SHISA6: variants seen among roughly 807,000 people sequenced by gnomAD.
The protein encoded by SHISA6 is shisa family member 6.
A neutral mutation model predicts 47.9 loss-of-function variants in SHISA6; 22 were observed. The observed-to-expected ratio is 0.46, with a 90% CI of 0.33 to 0.66. The LOEUF (loss-of-function observed/expected upper bound fraction) is 0.66. Among genes scored for constraint, SHISA6 ranks in the 30% least tolerant of loss-of-function variants. The pLI, the probability that SHISA6 is intolerant of heterozygous loss-of-function variation, is 0.02. For synonymous variants in SHISA6, 388 were observed against 337.8 expected, an observed-to-expected ratio of 1.15 and a Z score of -1.63; for missense variants, 680 against 764.6, an observed-to-expected ratio of 0.89 and a Z score of 1.30.
chr17:11,504,874 A>C (rs1005034130), intron 3 of SHISA6, among the ~76,000 whole-genome samples: 1 of 152,182 alleles, frequency 6.6e-6, no homozygotes, highest in African/African-American at 2.4e-5. Flanking sequence ...GAAAACCCTG[A>C]TAAAAGAGGT....
chr17:11,399,530 T>C (rs1336522114), intron 3 of SHISA6, among the ~76,000 whole-genome samples: 6 of 152,232 alleles, frequency 3.9e-5, no homozygotes, highest in Non-Finnish European at 8.8e-5. Flanking sequence ...CAAACGATTC[T>C]CCTGCCTCGG....
intron 3 of SHISA6, among the ~76,000 whole-genome samples, chr17:11,499,698 T>TTG (rs1555540216): frequency 6.8e-5 from 10 of 146,604 alleles, no homozygotes; most frequent in East Asian, 2.0e-4. Flanking sequence ...TTTTTTTTTT[T>TTG]TTGTTGTTGT....
chr17:11,502,847 T>C (rs751296249), intron 3 of SHISA6, among the ~76,000 whole-genome samples: 1 of 152,260 alleles, frequency 6.6e-6, no homozygotes, highest in Non-Finnish European at 1.5e-5. Flanking sequence ...CTCTTGATTC[T>C]CAGAAGTCTG....
intron 3 of SHISA6, among the ~76,000 whole-genome samples, chr17:11,405,262 T>TC (rs1204623484): frequency 3.9e-5 from 6 of 152,132 alleles, no homozygotes; most frequent in Admixed American, 2.0e-4. Context: ...AAGATTTTGA[T>TC]CCAGTAGGTC....
At chr17:11,528,205 A>C (rs1476466157) in intron 3 of SHISA6, among the ~76,000 whole-genome samples, 1 of 152,206 alleles carries the variant, frequency 6.6e-6, no homozygotes, top group East Asian at 1.9e-4. Context: ...ATTACAAATA[A>C]ATTTTATTAT....
At chr17:11,522,224 C>A (rs1385378455) in intron 3 of SHISA6, among the ~76,000 whole-genome samples, 1 of 151,976 alleles carries the variant, frequency 6.6e-6, no homozygotes, top group Non-Finnish European at 1.5e-5. Flanking sequence ...CTCAGCCTCC[C>A]AAAGTGCTGG....
At chr17:11,376,319 TTG>T (rs1277381671) in intron 2 of SHISA6, among the ~76,000 whole-genome samples, 1,036 of 85,552 alleles carry the variant, frequency 0.012, 18 homozygotes, top group African/African-American at 0.041. Flanking sequence ...ATGTTTTTTT[TTG>T]TTTGTTTTTT....
At position 11,526,880 on chromosome 17, in the gene SHISA6, CATATATATATATATATAT is replaced by C. The variant is rs149856154; in HGVS notation, c.896-24977_896-24960del. Among the ~76,000 whole-genome samples the C allele has an allele frequency of 3.3e-3, 368 of 111,780 alleles. 3 individuals carry two copies. Among genetic ancestry groups the C allele is most frequent in the African/African-American group, 9.3e-3 (292 of 31,258 alleles). The allele number at this position is 111,780 out of a possible 152,430, so 73.3% of individuals were successfully genotyped here. A position where few individuals can be genotyped will look rare whatever the true frequency, so the allele number is the denominator to read the frequency against. On this transcript the variant is annotated intron_variant, in intron 3 of 5. Coordinates refer to ENST00000441885, the MANE Select transcript of SHISA6 (RefSeq NM_207386.4). ...CTTGATGCCTCAAGCTATCTATCAT[CATATATATATATATATAT>C]ATATATATATATATATATATATATA... is the stretch of plus-strand genomic sequence containing the variant.
chr17:11,423,320 CATAT>C lies in SHISA6; in HGVS notation c.895+43817_895+43820del, dbSNP rs1234159662. Among the ~76,000 whole-genome samples, 8 of 96,748 alleles carry C rather than the reference CATAT, an allele frequency of 8.3e-5. No homozygotes were observed. The South Asian group carries it at 1.6e-3, about 19-fold the overall frequency. The allele number at this position is 96,748 out of a possible 152,430, so 63.5% of individuals were successfully genotyped here. On this transcript the variant is annotated intron_variant, in intron 3 of 5. Transcript: ENST00000441885. ...AACATATATCTATATATGCCTGTAA[CATAT>C]ATATAGATAGATAGATAGATAGATA...
At chr17:11,519,782 C>T (rs866752060) in intron 3 of SHISA6, among the ~76,000 whole-genome samples, 3 of 152,310 alleles carry the variant, frequency 2.0e-5, no homozygotes, top group East Asian at 3.9e-4. Flanking sequence ...CCTGCTCCAG[C>T]TGAGGTCACC....
intron 2 of SHISA6, among the ~76,000 whole-genome samples, chr17:11,334,803 T>C (rs2142207736): frequency 6.6e-6 from 1 of 152,342 alleles, no homozygotes; most frequent in Non-Finnish European, 1.5e-5. Context: ...GTAGGATCTT[T>C]AAACTGTGGA....
chr17:11,277,274 T>A (rs955694318), intron 2 of SHISA6, among the ~76,000 whole-genome samples: 197 of 64,688 alleles, frequency 3.0e-3, no homozygotes, highest in African/African-American at 6.4e-3. Context: ...TCTCTCTCTC[T>A]CTCTCTCACA....
intron 3 of SHISA6, among the ~76,000 whole-genome samples, chr17:11,390,200 A>G (rs1273305641): frequency 6.6e-6 from 1 of 152,244 alleles, no homozygotes; most frequent in Non-Finnish European, 1.5e-5. Context: ...GGAAGAAGAA[A>G]ACTGGTGAAG....
intron 3 of SHISA6, among the ~76,000 whole-genome samples, chr17:11,420,774 T>C (rs1914430224): frequency 6.6e-6 from 1 of 152,172 alleles, no homozygotes; most frequent in Admixed American, 6.5e-5. Context: ...CGACATTGGC[T>C]CTAGATTCAA....
Position 11,379,760 on chromosome 17 carries a change from G to A in SHISA6, c.895+251G>A, listed in dbSNP as rs3744573. The A allele has an allele frequency of 6.0e-4, 218 of 362,110 alleles. 1 individual carries two copies. In the East Asian group the frequency reaches 0.012, roughly 21 times the overall value. 22.4% of individuals were successfully genotyped at this position (362,110 alleles called of 1,614,324 possible). Reference sequence around the variant, plus strand: ...CACCCATGGCGGGGACACAGATGCCGGCGGCTCCTTGTGGGAAGGGACCAC... The same window carrying A: ...CACCCATGGCGGGGACACAGATGCCAGCGGCTCCTTGTGGGAAGGGACCAC... On this transcript the variant is annotated intron_variant, in intron 3 of 5. Transcript: ENST00000441885.
At chr17:11,483,261 A>G (rs1452951987) in intron 3 of SHISA6, among the ~76,000 whole-genome samples, 1 of 151,630 alleles carries the variant, frequency 6.6e-6, no homozygotes, top group Admixed American at 6.6e-5. Context: ...AGATCGTGCC[A>G]TTGCACTCCA....
At chr17:11,406,417 C>A (rs1174386799) in intron 3 of SHISA6, among the ~76,000 whole-genome samples, 1 of 152,224 alleles carries the variant, frequency 6.6e-6, no homozygotes, top group African/African-American at 2.4e-5. Flanking sequence ...ACCAGAATAT[C>A]CTAACTCACC....
chr17:11,466,908 C>T (rs1166108645), intron 3 of SHISA6, among the ~76,000 whole-genome samples: 1 of 152,160 alleles, frequency 6.6e-6, no homozygotes, highest in African/African-American at 2.4e-5. Context: ...ATCAGGGCTG[C>T]TCTCTACTCA....
At chr17:11,481,191 C>T (rs1597541735) in intron 3 of SHISA6, among the ~76,000 whole-genome samples, 1 of 151,762 alleles carries the variant, frequency 6.6e-6, no homozygotes, top group Non-Finnish European at 1.5e-5. Context: ...AGGCAGGAGA[C>T]TTATTTGAAC....
Sources: gnomAD v4.1 joint callset for allele counts (sites outside exome capture counted in the v4.1 genomes callset) on GRCh38, gnomAD v4.1.1 for gene constraint, MANE v1.5 for transcripts, NCBI Gene and HGNC (gene_info 2026-07-23, HGNC 2026-07-21) for gene names.